The following RORA variants were observed in gnomAD, a reference collection of about 807,000 sequenced individuals.
The protein encoded by RORA is nuclear receptor ROR-alpha.
Under a neutral mutation model 69.5 loss-of-function variants are expected in RORA, and 7 were observed. The observed-to-expected ratio is 0.10, with a 90% CI of 0.06 to 0.19. RORA has a LOEUF of 0.19. Ranked by LOEUF, RORA falls within the 10% of genes least tolerant of loss-of-function variation. The pLI is 1.00. For synonymous variants in RORA, 261 were observed against 240.8 expected (o/e 1.08, Z -0.78); for missense variants, 457 against 663.0 (o/e 0.69, Z 3.41).
intron 1 of RORA, among the ~76,000 whole-genome samples, chr15:60,921,848 G>A (rs1892057472): frequency 6.6e-6 from 1 of 152,100 alleles, no homozygotes; most frequent in East Asian, 1.9e-4. Context: ...AAAACACCTA[G>A]CACTGAACCT....
chr15:60,847,940 A>G (rs1319233287), intron 1 of RORA: 1 of 152,236 alleles, frequency 6.6e-6, no homozygotes, highest in African/African-American at 2.4e-5. Flanking sequence ...CAGTGAGAAC[A>G]CAACTCTCCA....
chr15:61,077,441 G>A (rs549166520), intron 1 of RORA, among the ~76,000 whole-genome samples: 3 of 152,218 alleles, frequency 2.0e-5, no homozygotes, highest in South Asian at 2.1e-4. Context: ...AACTTGAAGC[G>A]TTTCCTTCAT....
intron 2 of RORA, among the ~76,000 whole-genome samples, chr15:60,675,403 T>C (rs2070537784): frequency 6.6e-6 from 1 of 152,182 alleles, no homozygotes; most frequent in South Asian, 2.1e-4. Context: ...GATCTAATAT[T>C]AAAAACTCTC....
At chr15:60,920,883 G>T (rs2062095) in intron 1 of RORA, among the ~76,000 whole-genome samples, 9 of 151,976 alleles carry the variant, frequency 5.9e-5, no homozygotes, top group Non-Finnish European at 1.0e-4. Context: ...GGACACCTCA[G>T]TGGAGTTCTT....
At chr15:60,903,581 G>A (rs12909379) in intron 1 of RORA, among the ~76,000 whole-genome samples, 93,783 of 152,072 alleles carry the variant, frequency 0.62, 29,300 homozygotes, top group African/African-American at 0.66. Context: ...TTGAAATTCA[G>A]CTGGTGAAGC....
At chr15:60,650,610 CTG>C (rs1253133914) in intron 2 of RORA, 1 of 152,140 alleles carries the variant, frequency 6.6e-6, no homozygotes, top group East Asian at 1.9e-4. Context: ...TATAGGGAGA[CTG>C]TCTCTTCCTG....
At chr15:60,498,859 G>GA (rs112516096) in intron 10 of RORA, among the ~76,000 whole-genome samples, 1,548 of 109,594 alleles carry the variant, frequency 0.014, 9 homozygotes, top group Middle Eastern at 0.027. Context: ...CTATAAAGGA[G>GA]AAAAAAAAAA....
chr15:60,537,442 G>GCC lies in RORA; in HGVS notation c.197-5593_197-5592dup, dbSNP rs140731003. ...TTCAAACCCTCCTTCCAGGGGTAGT[G>GCC]CCCCTTCTCTACAGTGCTAGGAGTG... is the stretch of plus-strand genomic sequence containing the variant. On this transcript the variant is annotated intron_variant, in intron 2 of 10. Coordinates refer to ENST00000335670, the MANE Select transcript of RORA (RefSeq NM_134261.3). This position sits in a 1 kb window ranked among gnomAD's most constrained non-coding sequence, Gnocchi z 4.9. Among the ~76,000 whole-genome samples, 7,221 of 152,222 alleles carry GCC rather than the reference G, an allele frequency of 0.047. 613 individuals are homozygous for GCC. Among genetic ancestry groups the GCC allele is most frequent in the African/African-American group, 0.17 (6,924 of 41,488 alleles).
chr15:60,808,313 G>GCTC (rs200412548), intron 1 of RORA, among the ~76,000 whole-genome samples: 3,745 of 152,286 alleles, frequency 0.025, 54 homozygotes, highest in Non-Finnish European at 0.032. Context: ...ATGGAAAAAT[G>GCTC]CTCATCATCA....
chr15:60,920,919 A>C (rs1182587314), intron 1 of RORA, among the ~76,000 whole-genome samples: 1 of 152,208 alleles, frequency 6.6e-6, no homozygotes, highest in Non-Finnish European at 1.5e-5. Context: ...CACTTCAAGG[A>C]AGATTTATGA....
At chr15:61,020,801 T>A (rs1895485525) in intron 1 of RORA, among the ~76,000 whole-genome samples, 1 of 152,176 alleles carries the variant, frequency 6.6e-6, no homozygotes, top group African/African-American at 2.4e-5. Flanking sequence ...AAGGGCCCCG[T>A]ATAATTTCCT....
At chr15:61,141,099 T>C (rs7170465) in intron 1 of RORA, among the ~76,000 whole-genome samples, 98,852 of 151,992 alleles carry the variant, frequency 0.65, 33,345 homozygotes, top group South Asian at 0.8. Context: ...TCTTTATTTT[T>C]AAAGCCAAAA....
chr15:60,908,903 C>G (rs1891622592), intron 1 of RORA, among the ~76,000 whole-genome samples: 1 of 150,778 alleles, frequency 6.6e-6, no homozygotes, highest in Non-Finnish European at 1.5e-5. Context: ...AAAGAGAGTT[C>G]TACTGTAGAC....
intron 3 of RORA, chr15:60,520,008 G>A (rs958919009): frequency 2.0e-5 from 3 of 152,122 alleles, no homozygotes; most frequent in Non-Finnish European, 4.4e-5. Context: ...CACACTATCT[G>A]CTTGGAAGAG....
chr15:60,625,047 G>A (rs2069538018), intron 2 of RORA, among the ~76,000 whole-genome samples: 1 of 152,142 alleles, frequency 6.6e-6, no homozygotes. Context: ...TTCTTCGTTT[G>A]CAAATTCAAA....
At position 60,490,942 on chromosome 15, in the gene RORA, C is replaced by T. The variant is rs139194892; in HGVS notation, c.*6513G>A. ...TTGTAGCTTGAAGCCTCCCATTGGC[C>T]CAAACATCCAATACAAAAACACATC... On this transcript the variant is annotated 3_prime_UTR_variant, in exon 11 of 11. Transcript: ENST00000335670. The surrounding 1 kb of genome is among the most constrained non-coding windows in gnomAD (Gnocchi z 4.1). The T allele has an allele frequency of 1.6e-4, 25 of 152,116 alleles. No individual in the cohort carries two copies. In the East Asian group the frequency reaches 4.6e-3, roughly 28 times the overall value. 9.4% of individuals were successfully genotyped at this position (152,116 alleles called of 1,614,324 possible).
At chr15:60,664,104 C>G (rs2070346693) in intron 2 of RORA, among the ~76,000 whole-genome samples, 1 of 152,182 alleles carries the variant, frequency 6.6e-6, no homozygotes, top group Non-Finnish European at 1.5e-5. Context: ...ATGATACTGT[C>G]CCTGAGTGGC....
intron 1 of RORA, among the ~76,000 whole-genome samples, chr15:60,758,080 A>G (rs778551709): frequency 6.6e-6 from 1 of 152,160 alleles, no homozygotes; most frequent in Non-Finnish European, 1.5e-5. Flanking sequence ...TCTTTGACCT[A>G]TATGTCAATG....
chr15:60,748,888 C>T (rs2071684750), intron 1 of RORA, among the ~76,000 whole-genome samples: 1 of 152,236 alleles, frequency 6.6e-6, no homozygotes, highest in Non-Finnish European at 1.5e-5. Flanking sequence ...CGAGTGTTTT[C>T]CAGTACACGG....
Sources: gnomAD v4.1 joint callset for allele counts (sites outside exome capture counted in the v4.1 genomes callset) on GRCh38, gnomAD v4.1.1 for gene constraint, Gnocchi (gnomAD v3.1) non-coding constraint, MANE v1.5 for transcripts, NCBI Gene and HGNC (gene_info 2026-07-23, HGNC 2026-07-21) for gene names.